Variants in LMAN2 observed in about 807,000 individuals in gnomAD.
LMAN2 encodes the protein lectin, mannose binding 2, also known as vesicular integral-membrane protein VIP36.
LMAN2 carries 22 observed loss-of-function variants against 39.3 expected under a neutral mutation model. The ratio of observed to expected loss-of-function variants is 0.56; its 90% CI spans 0.40 to 0.80. The LOEUF (loss-of-function observed/expected upper bound fraction) is 0.80. Among genes scored for constraint, LMAN2 ranks in the 30% least tolerant of loss-of-function variants. LMAN2 has a pLI of 0.00. For missense variants in LMAN2, 494 were observed against 505.4 expected (o/e 0.98, Z 0.22); for synonymous variants, 207 against 207.8 (o/e 1.00, Z 0.03).
intron 2 of LMAN2, among the ~76,000 whole-genome samples, chr5:177,342,634 C>T (rs1761573477): frequency 6.6e-6 from 1 of 151,992 alleles, no homozygotes; most frequent in South Asian, 2.1e-4. Flanking sequence ...TGCAGTGAGC[C>T]GTGTTCACGC....
chr5:177,340,956 C>T (rs1484603216), intron 2 of LMAN2, among the ~76,000 whole-genome samples: 1 of 151,618 alleles, frequency 6.6e-6, no homozygotes, highest in Non-Finnish European at 1.5e-5. Context: ...AGGGTTTCAC[C>T]GTGTTAGCCA....
chr5:177,336,537 G>A (rs1761473541), intron 6 of LMAN2, among the ~76,000 whole-genome samples: 1 of 152,218 alleles, frequency 6.6e-6, no homozygotes, highest in African/African-American at 2.4e-5. Flanking sequence ...GTCAGGGAGG[G>A]GAGGGAAGTG....
intron 2 of LMAN2, among the ~76,000 whole-genome samples, chr5:177,342,041 G>C (rs1421521561): frequency 6.6e-6 from 1 of 152,058 alleles, no homozygotes; most frequent in Non-Finnish European, 1.5e-5. Context: ...TAGGCAATTT[G>C]AATATATAGA....
chr5:177,333,101 C>A (rs1161371680), intron 7 of LMAN2, among the ~76,000 whole-genome samples: 1 of 152,244 alleles, frequency 6.6e-6, no homozygotes, highest in East Asian at 1.9e-4. Context: ...GCCCCAGCCT[C>A]TGCTCTGCAC....
chr5:177,336,589 G>A (rs544404163), intron 6 of LMAN2, among the ~76,000 whole-genome samples: 39 of 152,290 alleles, frequency 2.6e-4, no homozygotes, highest in African/African-American at 8.9e-4. Flanking sequence ...GACTGTTGAT[G>A]GACCAGAGGT....
Position 177,337,588 on chromosome 5 carries a change from C to T in LMAN2, c.514-64G>A, listed in dbSNP as rs775947618. The T allele has an allele frequency of 1.4e-5, 23 of 1,606,802 alleles. No individual in the cohort carries two copies. Among genetic ancestry groups the T allele is most frequent in the Non-Finnish European group, 2.0e-5 (23 of 1,175,140 alleles). ...CCTGTGGGGCGAGCAGGGGCACCCA[C>T]CACCCCAATCCCTGGAGGCTCCTCT... On this transcript the variant is annotated intron_variant, in intron 4 of 7. Transcript: ENST00000303127. This position sits in a 1 kb window ranked among gnomAD's most constrained non-coding sequence, Gnocchi z 8.2.
chr5:177,340,424 T>C (rs1581603414), intron 2 of LMAN2, among the ~76,000 whole-genome samples: 1 of 152,084 alleles, frequency 6.6e-6, no homozygotes, highest in East Asian at 1.9e-4. Flanking sequence ...ACCCAATAGG[T>C]AGTTTTTCAA....
chr5:177,349,199 C>T (rs1383089259), intron 2 of LMAN2, among the ~76,000 whole-genome samples: 2 of 152,176 alleles, frequency 1.3e-5, no homozygotes, highest in Non-Finnish European at 2.9e-5. Flanking sequence ...TGAGCCACTC[C>T]TTCATCTAGA....
At chr5:177,340,302 C>T (rs957513836) in intron 2 of LMAN2, among the ~76,000 whole-genome samples, 10 of 152,138 alleles carry the variant, frequency 6.6e-5, no homozygotes, top group Admixed American at 1.3e-4. Context: ...ATCCTGAGAA[C>T]GTGTGCCACA....
chr5:177,340,936 T>C (rs569504884), intron 2 of LMAN2, among the ~76,000 whole-genome samples: 10 of 151,674 alleles, frequency 6.6e-5, no homozygotes, highest in Non-Finnish European at 1.5e-4. Context: ...TTTGTATTTT[T>C]AGTAGAGACA....
Position 177,331,634 on chromosome 5 carries a change from T to C in LMAN2, c.*452A>G, listed in dbSNP as rs1466737264. The stretch of plus-strand genomic sequence containing the variant: ...CACCACACCGCGCCTGCAGCCTCAC[T>C]TGAGCATCTGTCTCAGGAAGCAGCT... On this transcript the variant is annotated 3_prime_UTR_variant, in exon 8 of 8. Coordinates refer to ENST00000303127, the MANE Select transcript of LMAN2 (RefSeq NM_006816.3). 3.2e-5 allele frequency: 5 copies of C among 154,940 alleles called. No homozygotes were observed. Among genetic ancestry groups the C allele is most frequent in the Non-Finnish European group, 7.2e-5 (5 of 69,770 alleles). The allele number at this position is 154,940 out of a possible 1,614,324, so 9.6% of individuals were successfully genotyped here.
Position 177,337,323 on chromosome 5 carries a change from A to AGG in LMAN2, c.675+38_675+39dup, listed in dbSNP as rs763870299. 1.2e-6 allele frequency: 2 copies of AGG among 1,610,628 alleles called. No homozygotes were observed. Among genetic ancestry groups the AGG allele is most frequent in the Non-Finnish European group, 1.7e-6 (2 of 1,179,568 alleles). On this transcript the variant is annotated intron_variant, in intron 5 of 7. Coordinates refer to ENST00000303127, the MANE Select transcript of LMAN2 (RefSeq NM_006816.3). This position sits in a 1 kb window ranked among gnomAD's most constrained non-coding sequence, Gnocchi z 8.2. ...TCCTGAGCCTCTGTGGGACCAGCACAGGGCCACCAGCTGCCACCCCCACCG... is the reference window on the plus strand; with the variant it reads ...TCCTGAGCCTCTGTGGGACCAGCACAGGGGGCCACCAGCTGCCACCCCCACCG...
chr5:177,335,530 T>C (rs1761457199), intron 6 of LMAN2, among the ~76,000 whole-genome samples: 1 of 152,094 alleles, frequency 6.6e-6, no homozygotes, highest in Non-Finnish European at 1.5e-5. Context: ...ACAGCACTGG[T>C]GCTGCTCTGC....
chr5:177,340,322 T>C (rs1761533137), intron 2 of LMAN2, among the ~76,000 whole-genome samples: 1 of 152,180 alleles, frequency 6.6e-6, no homozygotes, highest in South Asian at 2.1e-4. Flanking sequence ...AAAAGCATTT[T>C]TTCTTTCTTT....
In LMAN2 at chr5:177,351,546, A is replaced by G; in HGVS notation, c.102T>C (p.Phe34=). The G allele has an allele frequency of 6.2e-7, 1 of 1,614,254 alleles. No individual in the cohort carries two copies. Among genetic ancestry groups the G allele is most frequent in the African/African-American group, 1.3e-5 (1 of 75,070 alleles). ...TCACAGACCCCAACAACAAAAGAAG[A>G]AAGAGAGGTGTAGTGGGGCCAGGGC... ...GPGPGPTTPL[F]LLLLLGSVTA... Residue 34 remains phenylalanine (F), a synonymous_variant, in exon 1 of 8, where the codon TTT becomes TTC. Transcript: ENST00000303127.
chr5:177,338,659 C>G, intron 2 of LMAN2, 54 bp from the exon 3 acceptor site: 1 of 1,453,530 alleles, frequency 6.9e-7, no homozygotes, highest in Non-Finnish European at 9.7e-7. Context: ...TTCCAGCAAG[C>G]TGGAGGCAAC....
At chr5:177,344,578 C>T (rs1761607051) in intron 2 of LMAN2, among the ~76,000 whole-genome samples, 1 of 151,654 alleles carries the variant, frequency 6.6e-6, no homozygotes, top group Non-Finnish European at 1.5e-5. Flanking sequence ...CCGCGCCCAG[C>T]CTGTGTTACA....
At chr5:177,335,318 A>G (rs1164145871) in intron 6 of LMAN2, among the ~76,000 whole-genome samples, 1 of 152,204 alleles carries the variant, frequency 6.6e-6, no homozygotes, top group African/African-American at 2.4e-5. Context: ...TCTTAGGAAA[A>G]ATCCTTTCAG....
At chr5:177,349,639 C>A (rs753885384) in intron 2 of LMAN2, among the ~76,000 whole-genome samples, 1 of 152,200 alleles carries the variant, frequency 6.6e-6, no homozygotes. Context: ...GTCTTAGATG[C>A]GTCTATTACT....
Sources: gnomAD v4.1 joint callset for allele counts (sites outside exome capture counted in the v4.1 genomes callset) on GRCh38, gnomAD v4.1.1 for gene constraint, Gnocchi (gnomAD v3.1) non-coding constraint, MANE v1.5 for transcripts, NCBI Gene and HGNC (gene_info 2026-07-23, HGNC 2026-07-21) for gene names.